FFAR2: variants seen among roughly 807,000 people sequenced by gnomAD.
FFAR2 encodes free fatty acid receptor 2.
For synonymous variants in FFAR2, 193 were observed against 189.9 expected (o/e 1.02, Z -0.13); for missense variants, 421 against 428.9 (o/e 0.98, Z 0.16).
In FFAR2 at chr19:35,449,925, T is replaced by C. The variant is rs751042729; in HGVS notation, c.211T>C (p.Ser71Pro). 16 of 1,613,356 alleles carry C rather than the reference T, an allele frequency of 9.9e-6. No homozygotes were observed. Among genetic ancestry groups the C allele is most frequent in the Non-Finnish European group, 8.5e-7 (1 of 1,180,024 alleles). ...GCCCTTCAAGATCATCGAGGCTGCG[T>C]CGAACTTCCGCTGGTACCTGCCCAA... ...LLPFKIIEAA[S>P]NFRWYLPKVV... Residue 71 changes from serine to proline, a missense_variant, in exon 2 of 2, where the codon TCG (serine) becomes CCG (proline). By Grantham distance (74) the Ser-to-Pro change is moderately conservative. Transcript: ENST00000599180.
chr19:35,450,311 C>T lies in FFAR2; in HGVS notation c.597C>T (p.Tyr199=), dbSNP rs1568529185. ...CCATGGCAGTCACCATCTTCTGCTACTGGCGTTTTGTGTGGATCATGCTCT... is the reference window on the plus strand; with the variant it reads ...CCATGGCAGTCACCATCTTCTGCTATTGGCGTTTTGTGTGGATCATGCTCT... ...FIPMAVTIFC[Y]WRFVWIMLSQ... is the part of the protein sequence containing the mutation. Residue 199 remains tyrosine, a synonymous_variant, in exon 2 of 2, where the codon TAC becomes TAT. Transcript: ENST00000599180. 6.2e-7 allele frequency: 1 copy of T among 1,614,248 alleles called. No individual in the cohort carries two copies. Among genetic ancestry groups the T allele is most frequent in the Non-Finnish European group, 8.5e-7 (1 of 1,180,048 alleles).
Position 35,450,520 on chromosome 19 carries a change from A to G in FFAR2, c.806A>G (p.Asp269Gly), listed in dbSNP as rs1364054040. The stretch of plus-strand genomic sequence containing the variant: ...TTCAGTTCACTCAACGCCAGTCTGG[A>G]CCCCCTGCTCTTCTATTTCTCTTCT... Reference protein sequence around the residue: ...VVFSSLNASLDPLLFYFSSSV... With the variant: ...VVFSSLNASLGPLLFYFSSSV... Residue 269 changes from aspartate to glycine, a missense_variant, in exon 2 of 2, where the codon GAC (aspartate) becomes GGC (glycine). Physicochemically the swap from Asp to Gly is moderately conservative, Grantham distance 94 (BLOSUM62 -1). Transcript: ENST00000599180. The G allele has an allele frequency of 1.2e-6, 2 of 1,614,008 alleles. No individual in the cohort carries two copies. Among genetic ancestry groups the G allele is most frequent in the Non-Finnish European group, 1.7e-6 (2 of 1,180,046 alleles).
rs1568529325 is a variant in FFAR2 at position 35,450,448 on chromosome 19, G to C, written c.734G>C (p.Gly245Ala). 1 of 1,614,234 alleles carries C rather than the reference G, an allele frequency of 6.2e-7. No individual in the cohort carries two copies. The highest frequency in any genetic ancestry group is 1.1e-5 in the South Asian group (1 of 91,084). The part of the protein sequence containing the change: ...FGPYNVSHLV[G>A]YHQRKSPWWR... ...CCTTACAACGTGTCCCACCTGGTGG[G>C]GTATCACCAGAGAAAAAGCCCCTGG... The change falls in exon 2 of 2, where the codon GGG becomes GCG. Residue 245 changes from glycine to alanine, a missense_variant. Physicochemically the swap from Gly to Ala is moderately conservative, Grantham distance 60 (BLOSUM62 0). Coordinates refer to ENST00000599180, the MANE Select transcript of FFAR2 (RefSeq NM_001370087.1).
At position 35,449,776 on chromosome 19, in the gene FFAR2, G is replaced by T; in HGVS notation, c.62G>T (p.Gly21Val). ...LMAYIIIFLT[G>V]LPANLLALRA... Reference sequence around the variant, plus strand: ...GCTTACATCATCATCTTCCTCACTGGCCTCCCTGCCAACCTCCTGGCCCTG... The same window carrying T: ...GCTTACATCATCATCTTCCTCACTGTCCTCCCTGCCAACCTCCTGGCCCTG... Residue 21 changes from glycine (G) to valine (V), a missense_variant, in exon 2 of 2, where the codon GGC (glycine) becomes GTC (valine). Physicochemically the swap from Gly to Val is moderately radical, Grantham distance 109. Transcript: ENST00000599180. The T allele has an allele frequency of 6.2e-7, 1 of 1,603,190 alleles. No individual in the cohort carries two copies. Among genetic ancestry groups the T allele is most frequent in the East Asian group, 2.2e-5 (1 of 44,844 alleles).
In FFAR2 at chr19:35,450,732, C is replaced by T. The variant is rs1345502714; in HGVS notation, c.*25C>T. The T allele has an allele frequency of 6.9e-6, 11 of 1,595,838 alleles. No homozygotes were observed. The highest frequency in any genetic ancestry group is 1.7e-4 in the Middle Eastern group (1 of 5,984). The stretch of plus-strand genomic sequence containing the variant: ...GCAGTTTCCCTGGACCTTCAGAGGT[C>T]GCCTGGGTTACACAGGAGCTGGGAA... On this transcript the variant is annotated 3_prime_UTR_variant, in exon 2 of 2. Coordinates refer to ENST00000599180, the MANE Select transcript of FFAR2 (RefSeq NM_001370087.1).
Position 35,450,116 on chromosome 19 carries a change from G to T in FFAR2, c.402G>T (p.Trp134Cys), listed in dbSNP as rs1029056131. 4 of 1,614,200 alleles carry T rather than the reference G, an allele frequency of 2.5e-6. No individual in the cohort carries two copies. The highest frequency in any genetic ancestry group is 3.4e-6 in the Non-Finnish European group (4 of 1,180,028). Residue 134 changes from tryptophan to cysteine, a missense_variant, in exon 2 of 2, where the codon TGG becomes TGT. Trp to Cys is a radical substitution (Grantham distance 215, BLOSUM62 -2). Coordinates refer to ENST00000599180, the MANE Select transcript of FFAR2 (RefSeq NM_001370087.1). Reference protein sequence around the residue: ...LYGVIAALVAWVMSFGHCTIV... With the variant: ...LYGVIAALVACVMSFGHCTIV... ...GAGTGATTGCAGCTCTGGTGGCCTGGGTTATGTCCTTTGGTCACTGCACCA... is the reference window on the plus strand; with the variant it reads ...GAGTGATTGCAGCTCTGGTGGCCTGTGTTATGTCCTTTGGTCACTGCACCA...
chr19:35,450,772 G>A lies in FFAR2; in HGVS notation c.*65G>A. The A allele has an allele frequency of 1.3e-6, 2 of 1,499,040 alleles. No individual in the cohort carries two copies. Among genetic ancestry groups the A allele is most frequent in the Non-Finnish European group, 1.8e-6 (2 of 1,109,676 alleles). 92.9% of individuals were successfully genotyped at this position (1,499,040 alleles called of 1,614,324 possible). On this transcript the variant is annotated 3_prime_UTR_variant, in exon 2 of 2. Coordinates refer to ENST00000599180, the MANE Select transcript of FFAR2 (RefSeq NM_001370087.1). ...GGAGCTGGGAAGCCTGGGAGAGGCG[G>A]AGCAGGAAGGCTCCCATCCAGATTC...
At chr19:35,449,204 G>C (rs1032563359) in intron 1 of FFAR2, among the ~76,000 whole-genome samples, 22 of 152,204 alleles carry the variant, frequency 1.4e-4, no homozygotes, top group African/African-American at 5.1e-4. Context: ...AACGGAAGTA[G>C]GAAGCTGGGC....
rs2067378508 is a variant in FFAR2, at chr19:35,450,979, T to A, written c.*272T>A. The stretch of plus-strand genomic sequence containing the variant: ...GCTCATGCCTATAATCCCAGAACTT[T>A]GGGAGGCTGAGGCAGGTGGATCACT... On this transcript the variant is annotated 3_prime_UTR_variant, in exon 2 of 2. Coordinates refer to ENST00000599180, the MANE Select transcript of FFAR2 (RefSeq NM_001370087.1). 5.7e-6 allele frequency: 2 copies of A among 352,296 alleles called. No individual in the cohort carries two copies. The allele number at this position is 352,296 out of a possible 1,614,324, so 21.8% of individuals were successfully genotyped here. A position where few individuals can be genotyped will look rare whatever the true frequency, so the allele number is the denominator to read the frequency against.
In FFAR2 at chr19:35,451,250, C is replaced by A. The variant is rs1400755646; in HGVS notation, c.*543C>A. ...AAAAAAAAAAAAAAAAAAAGAAGCA[C>A]CTTCAGGCTGGAGAAGCAGCGTAGC... On this transcript the variant is annotated 3_prime_UTR_variant, in exon 2 of 2. Transcript: ENST00000599180. The A allele has an allele frequency of 1.3e-5, 2 of 150,682 alleles. No homozygotes were observed. Among genetic ancestry groups the A allele is most frequent in the Non-Finnish European group, 1.5e-5 (1 of 68,204 alleles). The allele number at this position is 150,682 out of a possible 1,614,324, so 9.3% of individuals were successfully genotyped here.
chr19:35,450,580 A>T lies in FFAR2; in HGVS notation c.866A>T (p.Gln289Leu). The T allele has an allele frequency of 6.2e-7, 1 of 1,614,238 alleles. No individual in the cohort carries two copies. Among genetic ancestry groups the T allele is most frequent in the Non-Finnish European group, 8.5e-7 (1 of 1,180,038 alleles). The change falls in exon 2 of 2, where the codon CAG (glutamine) becomes CTG (leucine). Residue 289 changes from glutamine (Q) to leucine (L), a missense_variant. Coordinates refer to ENST00000599180, the MANE Select transcript of FFAR2 (RefSeq NM_001370087.1). The stretch of plus-strand genomic sequence containing the variant: ...CGCAGGGCATTTGGGAGAGGGCTGC[A>T]GGTGCTGCGGAATCAGGGCTCCTCC... ...VVRRAFGRGL[Q>L]VLRNQGSSLL...
rs139874727 is a variant in FFAR2 at position 35,451,051 on chromosome 19, G to A, written c.*344G>A. 1.3e-3 allele frequency: 269 copies of A among 212,070 alleles called. 1 individual carries two copies. The highest frequency in any genetic ancestry group is 5.4e-3 in the African/African-American group (231 of 43,036). The allele number at this position is 212,070 out of a possible 1,614,324, so 13.1% of individuals were successfully genotyped here. A position where few individuals can be genotyped will look rare whatever the true frequency, so the allele number is the denominator to read the frequency against. ...ATCCTGGTCAACATGGGAAAACCCC[G>A]TCTCTACTAAAAATACAAAAAAATT... On this transcript the variant is annotated 3_prime_UTR_variant, in exon 2 of 2. Coordinates refer to ENST00000599180, the MANE Select transcript of FFAR2 (RefSeq NM_001370087.1).
At position 35,450,395 on chromosome 19, in the gene FFAR2, G is replaced by T. The variant is rs150637163; in HGVS notation, c.681G>T (p.Thr227=). 2 of 1,614,114 alleles carry T rather than the reference G, an allele frequency of 1.2e-6. No homozygotes were observed. Among genetic ancestry groups the T allele is most frequent in the African/African-American group, 1.3e-5 (1 of 74,928 alleles). ...RRRAVGLAVV[T]LLNFLVCFGP... The stretch of plus-strand genomic sequence containing the variant: ...GAGCCGTGGGGCTGGCTGTGGTGAC[G>T]CTGCTCAATTTCCTGGTGTGCTTCG... Residue 227 remains threonine (T), a synonymous_variant, in exon 2 of 2, where the codon ACG becomes ACT. Coordinates refer to ENST00000599180, the MANE Select transcript of FFAR2 (RefSeq NM_001370087.1).
chr19:35,450,727 G>A lies in FFAR2; in HGVS notation c.*20G>A. Reference sequence around the variant, plus strand: ...GAGTAGCAGTTTCCCTGGACCTTCAGAGGTCGCCTGGGTTACACAGGAGCT... The same window carrying A: ...GAGTAGCAGTTTCCCTGGACCTTCAAAGGTCGCCTGGGTTACACAGGAGCT... On this transcript the variant is annotated 3_prime_UTR_variant, in exon 2 of 2. Transcript: ENST00000599180. 1.9e-6 allele frequency: 3 copies of A among 1,599,934 alleles called. No homozygotes were observed. The highest frequency in any genetic ancestry group is 2.6e-6 in the Non-Finnish European group (3 of 1,170,896).
At position 35,449,877 on chromosome 19, in the gene FFAR2, G is replaced by A. The variant is rs747543025; in HGVS notation, c.163G>A (p.Asp55Asn). 3.1e-5 allele frequency: 50 copies of A among 1,612,924 alleles called. No individual in the cohort carries two copies. The highest frequency in any genetic ancestry group is 3.6e-5 in the Non-Finnish European group (43 of 1,179,994). ...HILLLSLTLA[D>N]LLLLLLLPFK... ...CCTCCTGCTGAGCCTGACGCTGGCC[G>A]ACCTCCTCCTGCTGCTGCTGCTGCC... Residue 55 changes from aspartate to asparagine, a missense_variant, in exon 2 of 2, where the codon GAC becomes AAC. Transcript: ENST00000599180.
rs946749716 is a variant in FFAR2, at chr19:35,450,877, T to C, written c.*170T>C. The C allele has an allele frequency of 3.5e-5, 23 of 662,082 alleles. No individual in the cohort carries two copies. The African/African-American group carries it at 4.2e-4, about 12-fold the overall frequency. 41.0% of individuals were successfully genotyped at this position (662,082 alleles called of 1,614,324 possible). On this transcript the variant is annotated 3_prime_UTR_variant, in exon 2 of 2. Transcript: ENST00000599180. ...AGCTTGGTATCCCTTCCTGACTGAA[T>C]TGTCCTACTCAAAGGAGCATAAGTC...
At position 35,449,821 on chromosome 19, in the gene FFAR2, T is replaced by C. The variant is rs76437496; in HGVS notation, c.107T>C (p.Ile36Thr). The change falls in exon 2 of 2, where the codon ATC (isoleucine) becomes ACC (threonine). Residue 36 changes from isoleucine to threonine, a missense_variant. Coordinates refer to ENST00000599180, the MANE Select transcript of FFAR2 (RefSeq NM_001370087.1). ...LLALRAFVGR[I>T]RQPQPAPVHI... ...GCCCTGCGGGCCTTTGTGGGGCGGA[T>C]CCGCCAGCCCCAGCCTGCACCTGTG... The C allele has an allele frequency of 2.5e-6, 4 of 1,613,654 alleles. No individual in the cohort carries two copies. The highest frequency in any genetic ancestry group is 3.4e-6 in the Non-Finnish European group (4 of 1,179,880).
chr19:35,449,400 G>A (rs2067365141), intron 1 of FFAR2, among the ~76,000 whole-genome samples: 1 of 152,240 alleles, frequency 6.6e-6, no homozygotes. Context: ...GTAACTTCCT[G>A]TATCTGTGAG....
At chr19:35,449,481 G>A (rs913180273) in intron 1 of FFAR2, among the ~76,000 whole-genome samples, 1 of 152,226 alleles carries the variant, frequency 6.6e-6, no homozygotes, top group African/African-American at 2.4e-5. Flanking sequence ...GTCTCCTCCA[G>A]AGACACATGA....
Sources: gnomAD v4.1 joint callset for allele counts (sites outside exome capture counted in the v4.1 genomes callset) on GRCh38, gnomAD v4.1.1 for gene constraint, MANE v1.5 for transcripts, NCBI Gene and HGNC (gene_info 2026-07-23, HGNC 2026-07-21) for gene names.